Variants in PAM observed in about 807,000 individuals in gnomAD.
PAM encodes the protein peptidyl-glycine alpha-amidating monooxygenase.
PAM carries 72 observed loss-of-function variants against 122.1 expected under a neutral mutation model. The observed-to-expected ratio is 0.59, with a 90% confidence interval of 0.49 to 0.72. The LOEUF (loss-of-function observed/expected upper bound fraction) is 0.72, where lower values mean the gene tolerates loss of function less well. Ranked by LOEUF, PAM falls within the 30% of genes least tolerant of loss-of-function variation. The pLI is 0.00. For synonymous variants in PAM, 389 were observed against 404.4 expected (o/e 0.96, Z 0.46); for missense variants, 1,106 against 1,183.7 (o/e 0.93, Z 0.96).
chr5:102,940,518 CAG>C (rs2151894047), intron 7 of PAM, among the ~76,000 whole-genome samples: 1 of 139,358 alleles, frequency 7.2e-6, no homozygotes, highest in African/African-American at 2.6e-5. Flanking sequence ...ATATATATAT[CAG>C]AGGTAAGAAA....
chr5:102,762,514 C>A (rs1204366053), intron 1 of PAM, among the ~76,000 whole-genome samples: 2 of 151,904 alleles, frequency 1.3e-5, no homozygotes, highest in African/African-American at 4.8e-5. Flanking sequence ...TGAGTGGAAG[C>A]AATATTAGAT....
At chr5:102,799,253 G>C (rs1232063608) in intron 1 of PAM, among the ~76,000 whole-genome samples, 4 of 152,140 alleles carry the variant, frequency 2.6e-5, no homozygotes, top group Admixed American at 6.6e-5. Context: ...AATAGTGCCT[G>C]GATGCTTGCT....
chr5:103,028,546 G>T (rs1273432383), intron 25 of PAM, among the ~76,000 whole-genome samples: 1 of 152,146 alleles, frequency 6.6e-6, no homozygotes, highest in Non-Finnish European at 1.5e-5. Flanking sequence ...GTCAATGTTT[G>T]TCATAGTAAA....
At chr5:102,936,953 G>A (rs1252034873) in intron 7 of PAM, among the ~76,000 whole-genome samples, 1 of 152,104 alleles carries the variant, frequency 6.6e-6, no homozygotes, top group Non-Finnish European at 1.5e-5. Context: ...CCTAGGACAT[G>A]AGCAGAATAA....
intron 1 of PAM, among the ~76,000 whole-genome samples, chr5:102,824,717 C>T (rs1419372335): frequency 2.6e-5 from 4 of 152,082 alleles, no homozygotes; most frequent in African/African-American, 9.7e-5. Context: ...AATGAGATTT[C>T]AAAGCAATAT....
chr5:102,770,629 T>A (rs1050164017), intron 1 of PAM, among the ~76,000 whole-genome samples: 6 of 152,128 alleles, frequency 3.9e-5, no homozygotes, highest in Non-Finnish European at 8.8e-5. Flanking sequence ...GATCATATGG[T>A]TTTTGTCCTT....
chr5:102,803,904 GT>G (rs944375943), intron 1 of PAM, among the ~76,000 whole-genome samples: 3 of 152,168 alleles, frequency 2.0e-5, no homozygotes, highest in Non-Finnish European at 4.4e-5. Flanking sequence ...GCAAAAGTAT[GT>G]TTTAAGTGCA....
chr5:102,961,960 G>A lies in PAM; in HGVS notation c.1162+731G>A, dbSNP rs150507879. 1.1e-3 allele frequency among the ~76,000 whole-genome samples: 165 copies of A among 151,916 alleles called. 1 individual carries two copies. The highest frequency in any genetic ancestry group is 3.4e-3 in the African/African-American group (142 of 41,536). The stretch of plus-strand genomic sequence containing the variant: ...TGGCCTACGATACACGTTTTTAAAC[G>A]TTAGTTTCATGTTAATGCAAACCCA... On this transcript the variant is annotated intron_variant, in intron 14 of 25. Transcript: ENST00000438793.
intron 1 of PAM, among the ~76,000 whole-genome samples, chr5:102,853,922 A>G (rs1000637591): frequency 1.3e-5 from 2 of 152,222 alleles, no homozygotes; most frequent in African/African-American, 4.8e-5. Context: ...TGAAGTAAAA[A>G]TTTATTTAAA....
chr5:102,770,980 T>C (rs962531052), intron 1 of PAM, among the ~76,000 whole-genome samples: 1 of 152,108 alleles, frequency 6.6e-6, no homozygotes, highest in African/African-American at 2.4e-5. Flanking sequence ...TTTAAGGTGA[T>C]AAGAGCTGTA....
chr5:102,951,526 GCTAGAGTTTTAAAC>G (rs1758890101), intron 12 of PAM, among the ~76,000 whole-genome samples: 2 of 152,074 alleles, frequency 1.3e-5, no homozygotes. Flanking sequence ...CCATCTGGAA[GCTAGAGTTTTAAAC>G]CATTTATGTC....
intron 7 of PAM, among the ~76,000 whole-genome samples, chr5:102,940,441 T>TAA (rs1267024109): frequency 4.7e-5 from 7 of 148,800 alleles, no homozygotes; most frequent in African/African-American, 1.7e-4. Context: ...TATATATATA[T>TAA]AATGCTATAT....
intron 7 of PAM, among the ~76,000 whole-genome samples, chr5:102,938,808 A>G (rs888684828): frequency 2.6e-5 from 4 of 152,106 alleles, no homozygotes; most frequent in Non-Finnish European, 5.9e-5. Flanking sequence ...TTTCAGTGAA[A>G]TGTAGTTCAG....
intron 15 of PAM, among the ~76,000 whole-genome samples, chr5:102,980,972 T>A (rs963677578): frequency 6.6e-6 from 1 of 152,234 alleles, no homozygotes; most frequent in Non-Finnish European, 1.5e-5. Context: ...TTTTGAAAAT[T>A]CACTAAAGGT....
In PAM at chr5:102,812,094, G is replaced by A. The variant is rs113034292; in HGVS notation, c.-373-53729G>A. ...GCCAAATGTGAAATCTAGTAACCCT[G>A]AGTTTTGAATAACACTGTCGTTTAT... On this transcript the variant is annotated intron_variant, in intron 1 of 25. Coordinates refer to ENST00000438793, the MANE Select transcript of PAM (RefSeq NM_001177306.2). 6.5e-3 allele frequency among the ~76,000 whole-genome samples: 993 copies of A among 152,262 alleles called. 5 individuals carry two copies. Among genetic ancestry groups the A allele is most frequent in the African/African-American group, 0.023 (938 of 41,532 alleles).
intron 25 of PAM, 46 bp from the exon 26 acceptor site, chr5:103,028,841 T>C (rs1314416669): frequency 6.2e-6 from 8 of 1,289,152 alleles, no homozygotes; most frequent in African/African-American, 1.5e-5. Flanking sequence ...GTAACAGACA[T>C]TGCTGCAAAC....
chr5:102,995,740 A>G (rs1775519254), intron 16 of PAM, among the ~76,000 whole-genome samples: 1 of 152,104 alleles, frequency 6.6e-6, no homozygotes, highest in Non-Finnish European at 1.5e-5. Flanking sequence ...TTCTAGGCCT[A>G]AAATGGCACT....
intron 1 of PAM, among the ~76,000 whole-genome samples, chr5:102,822,385 C>T (rs1254826381): frequency 6.6e-6 from 1 of 152,112 alleles, no homozygotes; most frequent in African/African-American, 2.4e-5. Context: ...ATCCCACCGA[C>T]GAGCACATAC....
At chr5:102,987,432 T>C (rs547268382) in intron 15 of PAM, 4 of 404,028 alleles carry the variant, frequency 9.9e-6, no homozygotes, top group Non-Finnish European at 1.5e-5. Context: ...GGTACCAACA[T>C]GTAGAGAGAT....
Sources: allele counts gnomAD v4.1 joint callset (sites outside exome capture counted in the v4.1 genomes callset), GRCh38; gene constraint gnomAD v4.1.1; transcripts MANE v1.5; gene names NCBI Gene and HGNC (gene_info 2026-07-23, HGNC 2026-07-21).